Variants in ULK1 observed in about 807,000 individuals in gnomAD.
ULK1 encodes unc-51 like autophagy activating kinase 1, also known as serine/threonine-protein kinase ULK1.
ULK1 carries 48 observed loss-of-function variants against 117.5 expected under a neutral mutation model. The observed-to-expected ratio is 0.41, with a 90% confidence interval of 0.32 to 0.52. ULK1 has a LOEUF of 0.52. Among genes scored for constraint, ULK1 ranks in the 20% least tolerant of loss-of-function variants. The probability of loss-of-function intolerance (pLI) is 0.29; values close to 1 mark genes in which losing one functional copy is unlikely to be tolerated. For synonymous variants in ULK1, 790 were observed against 637.8 expected, an observed-to-expected ratio of 1.24 and a Z score of -3.60; for missense variants, 1,387 against 1,473.4, an observed-to-expected ratio of 0.94 and a Z score of 0.96.
intron 3 of ULK1, among the ~76,000 whole-genome samples, chr12:131,900,037 A>G (rs1377832068): frequency 6.8e-6 from 1 of 147,880 alleles, no homozygotes; most frequent in African/African-American, 2.5e-5. Flanking sequence ...GAATCGCTTG[A>G]ACCCAGGAAG....
chr12:131,919,169 A>G (rs1890032333), intron 23 of ULK1, 43 bp from the exon 24 acceptor site: 1 of 1,555,118 alleles, frequency 6.4e-7, no homozygotes, highest in Admixed American at 1.8e-5. Flanking sequence ...AGCCCCTTCC[A>G]AGCCCGGGCA....
At chr12:131,916,328 C>T (rs1008991107) in intron 19 of ULK1, 70 bp from the exon 20 acceptor site, 5 of 1,523,122 alleles carry the variant, frequency 3.3e-6, no homozygotes, top group Admixed American at 4.4e-5. Context: ...GACTCGGCCC[C>T]TTCCCCAGGC....
Position 131,894,970 on chromosome 12 carries a change from C to T in ULK1, c.-32C>T. 1.8e-5 allele frequency: 21 copies of T among 1,164,966 alleles called. No homozygotes were observed. The highest frequency in any genetic ancestry group is 2.2e-5 in the Non-Finnish European group (20 of 923,928). 72.2% of individuals were successfully genotyped at this position (1,164,966 alleles called of 1,614,324 possible). On this transcript the variant is annotated 5_prime_UTR_variant, in exon 1 of 28. Coordinates refer to ENST00000321867, the MANE Select transcript of ULK1 (RefSeq NM_003565.4). ...AGTCCCCCGCGCCTTGGCCCGCCAC[C>T]CCCCGCCCCGCGCCCCCGGCCCGCC...
At chr12:131,907,735 G>C (rs1272134072) in intron 5 of ULK1, among the ~76,000 whole-genome samples, 1 of 152,136 alleles carries the variant, frequency 6.6e-6, no homozygotes, top group Non-Finnish European at 1.5e-5. Context: ...CAGTCCCTCC[G>C]CTGGCCTCCC....
rs12311271 is a variant in ULK1 at position 131,908,996 on chromosome 12, G to A, written c.564+25G>A. The A allele has an allele frequency of 4.3e-3, 6,954 of 1,612,764 alleles. 273 individuals are homozygous for A. The African/African-American group carries it at 0.082, about 19-fold the overall frequency. On this transcript the variant is annotated intron_variant, in intron 7 of 27. Transcript: ENST00000321867. The stretch of plus-strand genomic sequence containing the variant: ...GGTGTGTTTACCTTGGCCGGGCTGT[G>A]CCGGGTGGGCGCCTCTCTGGGCTTG...
intron 18 of ULK1, 85 bp from the exon 19 acceptor site, chr12:131,915,805 AC>A: frequency 6.4e-7 from 1 of 1,562,462 alleles, no homozygotes; most frequent in East Asian, 2.2e-5. Context: ...GAGTGCGTCT[AC>A]CCCAAGGGGC....
chr12:131,907,019 C>A, intron 4 of ULK1, 95 bp downstream of exon 4: 1 of 1,542,264 alleles, frequency 6.5e-7, no homozygotes, highest in Non-Finnish European at 8.9e-7. Context: ...GGGTGATGAG[C>A]ACCTTTTCTT....
At chr12:131,920,853 C>T (rs964330822) in intron 26 of ULK1, 42 of 527,804 alleles carry the variant, frequency 8.0e-5, no homozygotes, top group African/African-American at 7.6e-5. Context: ...GACTGAGCGG[C>T]GGGCACTCTG....
intron 23 of ULK1, 97 bp downstream of exon 23, chr12:131,918,778 CGGGTGTGGGGTGTCGG>C (rs1372546834): frequency 2.0e-4 from 55 of 275,444 alleles, no homozygotes; most frequent in South Asian, 1.5e-3. Context: ...TGTGGGGTGT[CGGGTGTGGGGTGTCGG>C]GGGTGTGGGG....
intron 3 of ULK1, among the ~76,000 whole-genome samples, chr12:131,901,096 C>T (rs555084362): frequency 1.7e-4 from 25 of 151,348 alleles, no homozygotes; most frequent in African/African-American, 3.2e-4. Flanking sequence ...CAGTGGCTCA[C>T]GCCTGTAATC....
At chr12:131,898,140 G>A (rs1888950549) in intron 3 of ULK1, 1 of 152,320 alleles carries the variant, frequency 6.6e-6, no homozygotes, top group African/African-American at 2.4e-5. Flanking sequence ...CCATCGTGGA[G>A]GTGCTAGCTG....
chr12:131,918,249 T>A (rs1488828294), intron 22 of ULK1: 1 of 565,300 alleles, frequency 1.8e-6, no homozygotes, highest in African/African-American at 1.9e-5. Context: ...AGAGGGTCCC[T>A]TGGTGGGCAC....
chr12:131,916,010 C>T lies in ULK1; in HGVS notation c.1729C>T (p.Pro577Ser). The stretch of plus-strand genomic sequence containing the variant: ...CAAGCTGCCCAAACCCCCCACGGAC[C>T]CCCTGGGAGCTGTGTTCAGCCCACC... The part of the protein sequence containing the change: ...RPKLPKPPTD[P>S]LGAVFSPPQA... Residue 577 changes from proline (P) to serine (S), a missense_variant, in exon 19 of 28, where the codon CCC becomes TCC. Physicochemically the swap from Pro to Ser is moderately conservative, Grantham distance 74 (BLOSUM62 -1). Transcript: ENST00000321867. The T allele has an allele frequency of 6.2e-7, 1 of 1,612,290 alleles. No individual in the cohort carries two copies. The highest frequency in any genetic ancestry group is 8.5e-7 in the Non-Finnish European group (1 of 1,179,720).
In ULK1 at chr12:131,917,517, C is replaced by T; in HGVS notation, c.2289C>T (p.Ser763=). The change falls in exon 22 of 28, where the codon AGC becomes AGT. Residue 763 remains serine, a synonymous_variant. Coordinates refer to ENST00000321867, the MANE Select transcript of ULK1 (RefSeq NM_003565.4). ...VFTVGSPPSG[S]TPPQGPRTRM... ...CCGTGGGCTCTCCCCCGAGCGGGAG[C>T]ACGCCCCCCCAGGGCCCCCGCACCA... 1.4e-6 allele frequency: 2 copies of T among 1,461,174 alleles called. No individual in the cohort carries two copies. Among genetic ancestry groups the T allele is most frequent in the South Asian group, 1.4e-5 (1 of 69,024 alleles). 90.5% of individuals were successfully genotyped at this position (1,461,174 alleles called of 1,614,324 possible).
At position 131,915,506 on chromosome 12, in the gene ULK1, T is replaced by G. The variant is rs956975284; in HGVS notation, c.1609+85T>G. On this transcript the variant is annotated intron_variant, in intron 18 of 27. Coordinates refer to ENST00000321867, the MANE Select transcript of ULK1 (RefSeq NM_003565.4). ...ATCCTGGTCTAAAGCCCTTGCTCTTTCCAAGTGAAAAGGAGTGGGAAGGAA... is the reference window on the plus strand; with the variant it reads ...ATCCTGGTCTAAAGCCCTTGCTCTTGCCAAGTGAAAAGGAGTGGGAAGGAA... The G allele has an allele frequency of 5.4e-6, 8 of 1,487,424 alleles. No individual in the cohort carries two copies. The African/African-American group carries it at 1.1e-4, about 21-fold the overall frequency. 92.1% of individuals were successfully genotyped at this position (1,487,424 alleles called of 1,614,324 possible). A position where few individuals can be genotyped will look rare whatever the true frequency, so the allele number is the denominator to read the frequency against.
intron 3 of ULK1, among the ~76,000 whole-genome samples, chr12:131,896,151 C>G (rs984578617): frequency 6.6e-6 from 1 of 152,132 alleles, no homozygotes; most frequent in Non-Finnish European, 1.5e-5. Flanking sequence ...GCAGCACTGC[C>G]GGCCTGGCCC....
chr12:131,909,320 C>T, intron 8 of ULK1, 83 bp downstream of exon 8: 1 of 1,419,274 alleles, frequency 7.0e-7, no homozygotes, highest in Non-Finnish European at 9.4e-7. Flanking sequence ...CCTGCGAGCC[C>T]TGCCCGCGCC....
chr12:131,916,909 TG>T (rs1404894417), intron 20 of ULK1, 43 bp from the exon 21 acceptor site: 5 of 1,340,952 alleles, frequency 3.7e-6, no homozygotes, highest in Non-Finnish European at 5.0e-6. Context: ...CCAGTTAGGG[TG>T]GGGTGGGCCG....
intron 3 of ULK1, among the ~76,000 whole-genome samples, chr12:131,900,807 A>G (rs1889055252): frequency 6.6e-6 from 1 of 152,190 alleles, no homozygotes; most frequent in South Asian, 2.1e-4. Context: ...CTGGGAGACC[A>G]TGGGTCCAGG....
Sources: allele counts gnomAD v4.1 joint callset (sites outside exome capture counted in the v4.1 genomes callset), GRCh38; gene constraint gnomAD v4.1.1; transcripts MANE v1.5; gene names NCBI Gene and HGNC (gene_info 2026-07-23, HGNC 2026-07-21).